The following CSMD1 variants were observed in gnomAD, a reference collection of about 807,000 sequenced individuals.
CSMD1 encodes CUB and Sushi multiple domains 1.
A neutral mutation model predicts 417.5 loss-of-function variants in CSMD1; 213 were observed. The observed-to-expected ratio is 0.51, with a 90% CI of 0.46 to 0.57. The LOEUF is 0.57. CSMD1 is among the 20% of genes least tolerant of loss of function. The probability of loss-of-function intolerance (pLI) is 0.00; values close to 1 mark genes in which losing one functional copy is unlikely to be tolerated. For synonymous variants in CSMD1, 2,862 were observed against 1,736.8 expected, an observed-to-expected ratio of 1.65 and a Z score of -16.11; for missense variants, 6,923 against 4,529.7, an observed-to-expected ratio of 1.53 and a Z score of -15.17.
At chr8:4,241,333 C>A (rs1802384956) in intron 3 of CSMD1, among the ~76,000 whole-genome samples, 1 of 152,196 alleles carries the variant, frequency 6.6e-6, no homozygotes, top group Admixed American at 6.5e-5. Context: ...ACGCCTTTGC[C>A]TATTTTTCCT....
chr8:4,069,768 C>G (rs1033219993), intron 3 of CSMD1, among the ~76,000 whole-genome samples: 1 of 152,184 alleles, frequency 6.6e-6, no homozygotes, highest in Non-Finnish European at 1.5e-5. Flanking sequence ...CCTTTATCTT[C>G]CAAACTCCTG....
chr8:3,095,028 G>T (rs945641020), intron 47 of CSMD1, among the ~76,000 whole-genome samples: 1 of 152,040 alleles, frequency 6.6e-6, no homozygotes, highest in Non-Finnish European at 1.5e-5. Context: ...TGTTTATAAT[G>T]GCTATGATCT....
Position 3,201,662 on chromosome 8 carries a change from C to G in CSMD1, c.5048G>C (p.Gly1683Ala). The G allele has an allele frequency of 6.2e-7, 1 of 1,606,728 alleles. No homozygotes were observed. Among genetic ancestry groups the G allele is most frequent in the Middle Eastern group, 1.7e-4 (1 of 6,046 alleles). The change falls in exon 32 of 70, where the codon GGA becomes GCA. Residue 1683 changes from glycine to alanine, a missense_variant. By Grantham distance (60) the Gly-to-Ala change is moderately conservative (BLOSUM62 0). Transcript: ENST00000635120. Reference protein sequence around the residue: ...ALNDLAELFDGTHAQARLLSS... With the variant: ...ALNDLAELFDATHAQARLLSS... ...GAGAAGTCTGGCCTGTGCATGGGTT[C>G]CATCAAATAATTCTGCCAAATCATT...
At chr8:3,771,970 C>T (rs1038025714) in intron 5 of CSMD1, among the ~76,000 whole-genome samples, 1 of 151,968 alleles carries the variant, frequency 6.6e-6, no homozygotes, top group Non-Finnish European at 1.5e-5. Flanking sequence ...TCAGCAATTA[C>T]AGCATTTATC....
chr8:2,954,186 T>G (rs1979509), intron 65 of CSMD1, 38 bp downstream of exon 65: 2 of 1,265,084 alleles, frequency 1.6e-6, no homozygotes, highest in Non-Finnish European at 2.2e-6. Flanking sequence ...CAAATCACTT[T>G]ATTGGATTGA....
chr8:4,196,459 G>C (rs1585003039), intron 3 of CSMD1, among the ~76,000 whole-genome samples: 1 of 152,128 alleles, frequency 6.6e-6, no homozygotes, highest in East Asian at 1.9e-4. Flanking sequence ...GGGAAAATCT[G>C]TCCAATGCCG....
At chr8:4,226,134 A>C (rs1286670421) in intron 3 of CSMD1, among the ~76,000 whole-genome samples, 1 of 151,616 alleles carries the variant, frequency 6.6e-6, no homozygotes, top group Non-Finnish European at 1.5e-5. Flanking sequence ...ACTTGCTAGC[A>C]TGAGAGTTTC....
intron 32 of CSMD1, among the ~76,000 whole-genome samples, chr8:3,200,069 A>G (rs942742323): frequency 3.3e-5 from 5 of 152,048 alleles, no homozygotes; most frequent in African/African-American, 9.7e-5. Context: ...GAAAGCACCA[A>G]TGGTAGGCCT....
intron 10 of CSMD1, among the ~76,000 whole-genome samples, chr8:3,567,458 A>G (rs929403669): frequency 1.3e-5 from 2 of 150,062 alleles, no homozygotes; most frequent in African/African-American, 4.9e-5. Flanking sequence ...ATATAAATGA[A>G]GACATAAAAA....
chr8:3,551,411 A>G (rs76633100), intron 10 of CSMD1, among the ~76,000 whole-genome samples: 4,520 of 152,116 alleles, frequency 0.03, 162 homozygotes, highest in African/African-American at 0.085. Context: ...TTTAGGTTGC[A>G]GTAAACTGGA....
intron 12 of CSMD1, among the ~76,000 whole-genome samples, chr8:3,467,536 A>G (rs1816852604): frequency 6.6e-6 from 1 of 152,208 alleles, no homozygotes; most frequent in Non-Finnish European, 1.5e-5. Flanking sequence ...ATGTAAATAT[A>G]CATTTTTTGT....
At chr8:4,595,863 C>G (rs7009652) in intron 2 of CSMD1, among the ~76,000 whole-genome samples, 3 of 152,068 alleles carry the variant, frequency 2.0e-5, no homozygotes, top group Non-Finnish European at 2.9e-5. Flanking sequence ...CATGGATCTT[C>G]CATTCCTTCT....
At chr8:4,539,452 T>C (rs1367595185) in intron 2 of CSMD1, among the ~76,000 whole-genome samples, 1 of 152,206 alleles carries the variant, frequency 6.6e-6, no homozygotes, top group African/African-American at 2.4e-5. Flanking sequence ...CAAAAACTCA[T>C]CTTTGAAATT....
chr8:3,587,278 C>T (rs1056539796), intron 8 of CSMD1, among the ~76,000 whole-genome samples: 5 of 152,242 alleles, frequency 3.3e-5, no homozygotes, highest in African/African-American at 1.2e-4. Flanking sequence ...GGTTTGAACA[C>T]CACCCAGTTA....
chr8:4,151,564 G>C (rs909967026), intron 3 of CSMD1, among the ~76,000 whole-genome samples: 1 of 152,062 alleles, frequency 6.6e-6, no homozygotes, highest in Non-Finnish European at 1.5e-5. Context: ...AAATTAACAT[G>C]GGGAATTAAA....
At chr8:3,706,550 T>G (rs551147824) in intron 7 of CSMD1, among the ~76,000 whole-genome samples, 1 of 152,210 alleles carries the variant, frequency 6.6e-6, no homozygotes, top group East Asian at 1.9e-4. Context: ...TGAGTCATTA[T>G]GCATATGTCA....
At chr8:3,391,463 A>T (rs893626289) in intron 17 of CSMD1, among the ~76,000 whole-genome samples, 6 of 152,252 alleles carry the variant, frequency 3.9e-5, no homozygotes, top group African/African-American at 1.2e-4. Context: ...AAAGATCAAC[A>T]TACAAAGCAG....
intron 2 of CSMD1, among the ~76,000 whole-genome samples, chr8:4,636,021 T>A (rs919033089): frequency 1.3e-4 from 19 of 151,978 alleles, no homozygotes; most frequent in South Asian, 6.2e-4. Flanking sequence ...TTAATGAATA[T>A]ATTTTATATT....
intron 3 of CSMD1, among the ~76,000 whole-genome samples, chr8:4,280,035 A>G (rs1193578804): frequency 6.6e-6 from 1 of 152,286 alleles, no homozygotes; most frequent in Non-Finnish European, 1.5e-5. Context: ...CCTAGAACAC[A>G]GTGAACTCAT....
Sources: allele counts gnomAD v4.1 joint callset (sites outside exome capture counted in the v4.1 genomes callset), GRCh38; gene constraint gnomAD v4.1.1; transcripts MANE v1.5; gene names NCBI Gene and HGNC (gene_info 2026-07-23, HGNC 2026-07-21).